DPP10: variants seen among roughly 807,000 people sequenced by gnomAD.
DPP10 encodes the protein inactive dipeptidyl peptidase 10.
A neutral mutation model predicts 120.9 loss-of-function variants in DPP10; 33 were observed. The ratio of observed to expected loss-of-function variants is 0.27; its 90% CI spans 0.21 to 0.37. DPP10 has a LOEUF of 0.37. DPP10 is among the 10% of genes least tolerant of loss of function. The probability of loss-of-function intolerance (pLI) is 1.00; values close to 1 mark genes in which losing one functional copy is unlikely to be tolerated. For missense variants in DPP10, 816 were observed against 942.8 expected (o/e 0.87, Z 1.76); for synonymous variants, 337 against 326.1 (o/e 1.03, Z -0.36).
At chr2:114,444,714 G>A (rs1345436206) in intron 1 of DPP10, among the ~76,000 whole-genome samples, 1 of 152,174 alleles carries the variant, frequency 6.6e-6, no homozygotes, top group East Asian at 1.9e-4. Context: ...ACTTAACAAT[G>A]TATTATATTA....
At chr2:115,407,517 T>A (rs1010064359) in intron 3 of DPP10, among the ~76,000 whole-genome samples, 2 of 152,144 alleles carry the variant, frequency 1.3e-5, no homozygotes, top group Admixed American at 6.5e-5. Flanking sequence ...TCTGTTTGCA[T>A]GACCATTTGG....
At chr2:115,815,815 G>A (rs1206189552) in intron 21 of DPP10, 86 bp downstream of exon 21, 26 of 1,357,798 alleles carry the variant, frequency 1.9e-5, no homozygotes, top group Non-Finnish European at 2.7e-5. Context: ...AGGCCAGTTG[G>A]TTACAGATAA....
At chr2:115,777,500 C>G (rs905497270) in intron 14 of DPP10, among the ~76,000 whole-genome samples, 1 of 151,962 alleles carries the variant, frequency 6.6e-6, no homozygotes, top group Admixed American at 6.6e-5. Context: ...CACGCACACA[C>G]ACACACATAT....
intron 1 of DPP10, among the ~76,000 whole-genome samples, chr2:115,006,493 C>T (rs1444890023): frequency 6.0e-5 from 9 of 151,090 alleles, no homozygotes; most frequent in South Asian, 2.1e-4. Flanking sequence ...CAGAGACACA[C>T]ATAGGCTCAA....
intron 3 of DPP10, among the ~76,000 whole-genome samples, chr2:115,480,772 C>T (rs2075380571): frequency 6.6e-6 from 1 of 152,042 alleles, no homozygotes; most frequent in Non-Finnish European, 1.5e-5. Context: ...TATAAAGAAT[C>T]TCATATCATG....
At chr2:114,601,987 A>T (rs1223995244) in intron 1 of DPP10, among the ~76,000 whole-genome samples, 2 of 151,998 alleles carry the variant, frequency 1.3e-5, no homozygotes, top group East Asian at 3.9e-4. Context: ...GAAAATCAAT[A>T]GCAATAATAC....
chr2:114,745,779 A>G (rs1046985943), intron 1 of DPP10, among the ~76,000 whole-genome samples: 8 of 152,214 alleles, frequency 5.3e-5, no homozygotes, highest in African/African-American at 1.7e-4. Flanking sequence ...GCTTCTCTTT[A>G]AATATCACAA....
rs147898578 is a variant in DPP10 at position 114,772,969 on chromosome 2, G to A, written c.60+330131G>A. ...TAGCCTATTGTAGTTTATGAAATTTGGGGGATTAAAATCTGGCTTAGAGAG... is the reference window on the plus strand; with the variant it reads ...TAGCCTATTGTAGTTTATGAAATTTAGGGGATTAAAATCTGGCTTAGAGAG... On this transcript the variant is annotated intron_variant, in intron 1 of 25. Coordinates refer to ENST00000410059, the MANE Select transcript of DPP10 (RefSeq NM_020868.6). Among the ~76,000 whole-genome samples, 1,009 of 152,170 alleles carry A rather than the reference G, an allele frequency of 6.6e-3. 15 individuals are homozygous for A. The highest frequency in any genetic ancestry group is 0.023 in the African/African-American group (941 of 41,524).
At chr2:115,799,995 C>G (rs1277291901) in intron 19 of DPP10, among the ~76,000 whole-genome samples, 1 of 138,422 alleles carries the variant, frequency 7.2e-6, no homozygotes, top group African/African-American at 2.7e-5. Context: ...TTCTAGATCC[C>G]TGAGGAATCG....
intron 5 of DPP10, among the ~76,000 whole-genome samples, chr2:115,619,377 G>A (rs1008123580): frequency 6.6e-5 from 10 of 151,946 alleles, no homozygotes; most frequent in Admixed American, 2.0e-4. Context: ...GCCTGGCCCC[G>A]TTTGTAGTTC....
intron 1 of DPP10, among the ~76,000 whole-genome samples, chr2:115,014,713 C>T (rs1022414051): frequency 6.6e-6 from 1 of 151,978 alleles, no homozygotes; most frequent in Non-Finnish European, 1.5e-5. Context: ...TTATAAACAC[C>T]TCTATGCAAA....
At chr2:115,801,526 A>G (rs575570354) in intron 19 of DPP10, among the ~76,000 whole-genome samples, 2 of 152,166 alleles carry the variant, frequency 1.3e-5, no homozygotes, top group Non-Finnish European at 2.9e-5. Context: ...TTCAAAGGGA[A>G]TACTTCCAGT....
At chr2:115,174,273 C>A (rs2053555820) in intron 1 of DPP10, among the ~76,000 whole-genome samples, 2 of 152,110 alleles carry the variant, frequency 1.3e-5, no homozygotes, top group South Asian at 4.1e-4. Context: ...TTTCAATGTA[C>A]ATGTTTCCAA....
chr2:114,574,801 C>G (rs1689932335), intron 1 of DPP10, among the ~76,000 whole-genome samples: 1 of 152,150 alleles, frequency 6.6e-6, no homozygotes, highest in African/African-American at 2.4e-5. Flanking sequence ...TGGAGGGAGG[C>G]AGTGAAAGTT....
intron 3 of DPP10, among the ~76,000 whole-genome samples, chr2:115,484,291 A>G (rs756533702): frequency 2.6e-5 from 4 of 151,896 alleles, no homozygotes; most frequent in East Asian, 1.9e-4. Flanking sequence ...ATAAATAAAC[A>G]TAGTTATTAT....
At chr2:115,603,684 C>T (rs1345699341) in intron 5 of DPP10, among the ~76,000 whole-genome samples, 1 of 150,228 alleles carries the variant, frequency 6.7e-6, no homozygotes, top group Non-Finnish European at 1.5e-5. Flanking sequence ...AAAAGCAAAC[C>T]TTTGTTCAAA....
chr2:114,994,720 C>G (rs1700967737), intron 1 of DPP10, among the ~76,000 whole-genome samples: 1 of 152,160 alleles, frequency 6.6e-6, no homozygotes, highest in Admixed American at 6.5e-5. Flanking sequence ...CAGGGTCACA[C>G]TATGTGAAAT....
chr2:115,340,643 CT>C (rs201561707), intron 2 of DPP10, among the ~76,000 whole-genome samples: 2 of 150,948 alleles, frequency 1.3e-5, no homozygotes, highest in African/African-American at 2.4e-5. Flanking sequence ...GACTTACAGC[CT>C]TTTTTTTAAG....
intron 3 of DPP10, among the ~76,000 whole-genome samples, chr2:115,484,571 T>A (rs1393913827): frequency 6.6e-6 from 1 of 152,140 alleles, no homozygotes; most frequent in Non-Finnish European, 1.5e-5. Context: ...TTGGTTTTTT[T>A]ATGTTGTCTT....
Sources: allele counts gnomAD v4.1 joint callset (sites outside exome capture counted in the v4.1 genomes callset), GRCh38; gene constraint gnomAD v4.1.1; transcripts MANE v1.5; gene names NCBI Gene and HGNC (gene_info 2026-07-23, HGNC 2026-07-21).